Variants in MCTP1 observed in about 807,000 individuals in gnomAD.
MCTP1 encodes multiple C2 and transmembrane domain-containing protein 1.
A neutral mutation model predicts 120.6 loss-of-function variants in MCTP1; 69 were observed. That is an observed-to-expected ratio of 0.57 (90% confidence interval 0.47 to 0.70). MCTP1 has a LOEUF of 0.70. Ranked by LOEUF, MCTP1 falls within the 30% of genes least tolerant of loss-of-function variation. The probability of loss-of-function intolerance (pLI) is 0.00; values close to 1 mark genes in which losing one functional copy is unlikely to be tolerated. For missense variants in MCTP1, 1,203 were observed against 1,248.8 expected (o/e 0.96, Z 0.55); for synonymous variants, 529 against 493.1 (o/e 1.07, Z -0.96).
chr5:94,883,818 T>C (rs1443144562), intron 12 of MCTP1, among the ~76,000 whole-genome samples: 1 of 152,216 alleles, frequency 6.6e-6, no homozygotes, highest in African/African-American at 2.4e-5. Context: ...TACAGGGCAC[T>C]TGAAGTAACA....
At chr5:94,714,183 T>TTTTA (rs1758212744) in intron 20 of MCTP1, among the ~76,000 whole-genome samples, 1 of 152,168 alleles carries the variant, frequency 6.6e-6, no homozygotes, top group Non-Finnish European at 1.5e-5. Context: ...GCTATATTTA[T>TTTTA]TTTATTTTAA....
Position 94,932,011 on chromosome 5 carries a change from T to C in MCTP1, c.1174-20A>G. On this transcript the variant is annotated intron_variant, in intron 5 of 22. Transcript: ENST00000515393. The stretch of plus-strand genomic sequence containing the variant: ...CATTGTCTGTAAATAAAATAAAGCA[T>C]TTTCATTATCTTTTCACTCAAGAAC... 1 of 1,555,644 alleles carries C rather than the reference T, an allele frequency of 6.4e-7. No homozygotes were observed. Among genetic ancestry groups the C allele is most frequent in the Non-Finnish European group, 8.9e-7 (1 of 1,129,200 alleles).
At chr5:95,102,093 T>C in intron 1 of MCTP1, among the ~76,000 whole-genome samples, 1 of 152,186 alleles carries the variant, frequency 6.6e-6, no homozygotes, top group East Asian at 1.9e-4. Flanking sequence ...TGGAATTTAC[T>C]TTCCCTCCCC....
At chr5:95,040,767 TG>T (rs1313113270) in intron 1 of MCTP1, among the ~76,000 whole-genome samples, 1 of 152,158 alleles carries the variant, frequency 6.6e-6, no homozygotes, top group East Asian at 1.9e-4. Context: ...GATTCAGGGT[TG>T]GGTATGTGAC....
At chr5:95,093,664 T>G (rs956722025) in intron 1 of MCTP1, among the ~76,000 whole-genome samples, 1 of 152,184 alleles carries the variant, frequency 6.6e-6, no homozygotes, top group Non-Finnish European at 1.5e-5. Flanking sequence ...TCACAAAAGA[T>G]TGCATTTTTC....
intron 2 of MCTP1, among the ~76,000 whole-genome samples, chr5:94,954,355 G>A (rs1310845875): frequency 7.3e-5 from 11 of 151,152 alleles, no homozygotes; most frequent in Admixed American, 6.6e-4. Context: ...CTAAACAATT[G>A]GTACACATGA....
intron 17 of MCTP1, among the ~76,000 whole-genome samples, chr5:94,800,579 T>A (rs772107753): frequency 3.9e-5 from 6 of 152,174 alleles, no homozygotes; most frequent in Non-Finnish European, 8.8e-5. Flanking sequence ...TTCTGAGTTT[T>A]AGAAAGTCCC....
intron 1 of MCTP1, among the ~76,000 whole-genome samples, chr5:95,131,780 T>C (rs901393606): frequency 6.6e-6 from 1 of 152,222 alleles, no homozygotes; most frequent in Non-Finnish European, 1.5e-5. Context: ...AGAGTAGTCA[T>C]TCAATAAAGG....
Position 94,704,861 on chromosome 5 carries a change from G to A in MCTP1, c.*2635C>T, listed in dbSNP as rs1054051922. The A allele has an allele frequency of 1.2e-4, 18 of 150,856 alleles. No individual in the cohort carries two copies. Among genetic ancestry groups the A allele is most frequent in the African/African-American group, 4.4e-4 (18 of 41,254 alleles). The allele number at this position is 150,856 out of a possible 1,614,324, so 9.3% of individuals were successfully genotyped here. On this transcript the variant is annotated 3_prime_UTR_variant, in exon 23 of 23. Transcript: ENST00000515393. ...TATATGCACTAGGATAATCTGAGTT[G>A]GGAGATTCAATCAATCAATCAGTTT...
intron 1 of MCTP1, among the ~76,000 whole-genome samples, chr5:95,090,342 T>G (rs191078656): frequency 6.6e-6 from 1 of 152,256 alleles, no homozygotes; most frequent in East Asian, 1.9e-4. Flanking sequence ...GTGCTAATTC[T>G]GTCAGCAAAT....
chr5:94,758,986 G>T (rs1770638021), intron 19 of MCTP1, among the ~76,000 whole-genome samples: 1 of 152,134 alleles, frequency 6.6e-6, no homozygotes, highest in African/African-American at 2.4e-5. Flanking sequence ...GCTGAGTAGA[G>T]AAAACCTATG....
intron 2 of MCTP1, among the ~76,000 whole-genome samples, chr5:94,981,504 T>C (rs13184310): frequency 0.52 from 78,564 of 151,930 alleles, 20,852 homozygotes; most frequent in African/African-American, 0.62. Flanking sequence ...TGCTGTGGAT[T>C]CGGCAGTGCA....
At chr5:95,039,066 A>AT (rs1841865681) in intron 1 of MCTP1, among the ~76,000 whole-genome samples, 1 of 152,002 alleles carries the variant, frequency 6.6e-6, no homozygotes, top group Non-Finnish European at 1.5e-5. Context: ...AAAAATGGGG[A>AT]TAAAAATAGC....
rs375117552 is a variant in MCTP1, at chr5:95,140,934, G to C, written c.721-123450C>G. Among the ~76,000 whole-genome samples the C allele has an allele frequency of 1.5e-3, 184 of 122,490 alleles. 3 individuals carry two copies. The highest frequency in any genetic ancestry group is 5.4e-3 in the African/African-American group (179 of 32,946). The allele number at this position is 122,490 out of a possible 152,430, so 80.4% of individuals were successfully genotyped here. On this transcript the variant is annotated intron_variant, in intron 1 of 22. Coordinates refer to ENST00000515393, the MANE Select transcript of MCTP1 (RefSeq NM_024717.7). ...CATTTAACGAGAATGTACTAGAAAAGATTATGCATCCCTTCTATGATCACA... is the reference window on the plus strand; with the variant it reads ...CATTTAACGAGAATGTACTAGAAAACATTATGCATCCCTTCTATGATCACA...
At chr5:94,886,107 G>T (rs777900349) in intron 12 of MCTP1, among the ~76,000 whole-genome samples, 1 of 152,192 alleles carries the variant, frequency 6.6e-6, no homozygotes, top group Non-Finnish European at 1.5e-5. Flanking sequence ...GTGACCTACT[G>T]TAGTAGTGTT....
rs1754549982 is a variant in MCTP1, at chr5:94,706,237, T to C, written c.*1259A>G. 1 of 151,628 alleles carries C rather than the reference T, an allele frequency of 6.6e-6. No individual in the cohort carries two copies. Among genetic ancestry groups the C allele is most frequent in the Admixed American group, 6.6e-5 (1 of 15,190 alleles). The allele number at this position is 151,628 out of a possible 1,614,324, so 9.4% of individuals were successfully genotyped here. Reference sequence around the variant, plus strand: ...CTACCAAGTCAGGGAAGTAAGACATTCTCAACCAACCAAATTATTTTTTCT... The same window carrying C: ...CTACCAAGTCAGGGAAGTAAGACATCCTCAACCAACCAAATTATTTTTTCT... On this transcript the variant is annotated 3_prime_UTR_variant, in exon 23 of 23. Coordinates refer to ENST00000515393, the MANE Select transcript of MCTP1 (RefSeq NM_024717.7).
In MCTP1 at chr5:94,707,530, C is replaced by A; in HGVS notation, c.2966G>T (p.Ser989Ile). 1.2e-6 allele frequency: 2 copies of A among 1,611,888 alleles called. No homozygotes were observed. The change falls in exon 23 of 23, where the codon AGC (serine) becomes ATC (isoleucine). Residue 989 changes from serine to isoleucine, a missense_variant. This residue lies in a region of MCTP1 where 740 missense variants were observed against 871.1 expected (regional missense o/e 0.85). Coordinates refer to ENST00000515393, the MANE Select transcript of MCTP1 (RefSeq NM_024717.7). ...YQELKPDPSH[S>I]PYKRKKNNLG ...ATTGTTTTTCTTTCTTTTATATGGG[C>A]TATGAGAAGGATCTGGTTTCAGTTC...
At chr5:94,807,554 T>C (rs949424428) in intron 17 of MCTP1, among the ~76,000 whole-genome samples, 8 of 152,140 alleles carry the variant, frequency 5.3e-5, no homozygotes, top group African/African-American at 9.7e-5. Flanking sequence ...ACCCCACCAA[T>C]TGCCTCCTTA....
chr5:95,282,666 A>G (rs940673873), intron 1 of MCTP1, among the ~76,000 whole-genome samples: 22 of 152,192 alleles, frequency 1.4e-4, no homozygotes, highest in African/African-American at 5.3e-4. Flanking sequence ...TACTCTTCTG[A>G]GAATAAAATA....
Sources: allele counts gnomAD v4.1 joint callset (sites outside exome capture counted in the v4.1 genomes callset), GRCh38; gene constraint gnomAD v4.1.1; regional missense constraint gnomAD v4.1.1; transcripts MANE v1.5; gene names NCBI Gene and HGNC (gene_info 2026-07-23, HGNC 2026-07-21).